The following ANKRD30BL variants were observed in gnomAD, a reference collection of about 807,000 sequenced individuals.
The protein encoded by ANKRD30BL is putative ankyrin repeat domain-containing protein 30B-like.
Under a neutral mutation model 18.4 loss-of-function variants are expected in ANKRD30BL, and 20 were observed. The observed-to-expected ratio is 1.09, with a 90% CI of 0.77 to 1.58. ANKRD30BL has a LOEUF of 1.58. Among genes scored for constraint, ANKRD30BL ranks in the 40% most tolerant of loss-of-function variants. ANKRD30BL has a pLI of 0.00. For synonymous variants in ANKRD30BL, 72 were observed against 100.9 expected (o/e 0.71, Z 1.72); for missense variants, 224 against 268.6 (o/e 0.83, Z 1.16).
At chr2:132,216,302 C>G (rs1348770295) in intron 1 of ANKRD30BL, among the ~76,000 whole-genome samples, 1 of 152,000 alleles carries the variant, frequency 6.6e-6, no homozygotes, top group East Asian at 1.9e-4. Context: ...TTTGTAGAAT[C>G]TGCAAGTTGA....
intron 1 of ANKRD30BL, among the ~76,000 whole-genome samples, chr2:132,253,552 G>C (rs1680726658): frequency 6.6e-6 from 1 of 152,182 alleles, no homozygotes; most frequent in African/African-American, 2.4e-5. Flanking sequence ...CACACGTGCA[G>C]CATGCACGAC....
chr2:132,230,116 G>A, intron 1 of ANKRD30BL, among the ~76,000 whole-genome samples: 1 of 151,886 alleles, frequency 6.6e-6, no homozygotes. Flanking sequence ...GAGGCCTGTG[G>A]TGGAAAAGGA....
upstream of ANKRD30BL, among the ~76,000 whole-genome samples, chr2:132,165,020 G>A (rs2104936834): frequency 6.6e-6 from 1 of 152,226 alleles, no homozygotes; most frequent in Non-Finnish European, 1.5e-5. Flanking sequence ...CTTGCAGTGA[G>A]CCGAGATCGT....
chr2:132,148,974 ATAGT>A (rs1558909081), intron 5 of ANKRD30BL, among the ~76,000 whole-genome samples: 3 of 151,834 alleles, frequency 2.0e-5, no homozygotes, highest in East Asian at 1.9e-4. Flanking sequence ...AATAGAAAAC[ATAGT>A]TAGGAAATTC....
intron 1 of ANKRD30BL, among the ~76,000 whole-genome samples, chr2:132,231,583 C>A (rs1001031639): frequency 2.0e-5 from 3 of 152,174 alleles, no homozygotes; most frequent in African/African-American, 7.2e-5. Context: ...GTGACAGATG[C>A]ACCTGGAAAA....
upstream of ANKRD30BL, among the ~76,000 whole-genome samples, chr2:132,164,556 G>T (rs1458192287): frequency 1.3e-5 from 2 of 151,752 alleles, no homozygotes; most frequent in Non-Finnish European, 2.9e-5. Context: ...CTCCCAAAGT[G>T]CTGGGATTAC....
chr2:132,212,926 C>A (rs2104759852), intron 1 of ANKRD30BL, among the ~76,000 whole-genome samples: 1 of 152,088 alleles, frequency 6.6e-6, no homozygotes, highest in South Asian at 2.1e-4. Flanking sequence ...TTTGTAGAAT[C>A]TGCAATTGGA....
At position 132,235,631 on chromosome 2, in the gene ANKRD30BL, G is replaced by A. The variant is rs564970470; in HGVS notation, n.441+21898C>T. ...AAATACCTAGGAATCCAACTTACAAGGGATGTGAAGGAACTCTTCAAGGAG... is the reference window on the plus strand; with the variant it reads ...AAATACCTAGGAATCCAACTTACAAAGGATGTGAAGGAACTCTTCAAGGAG... On this transcript the variant is annotated intron_variant and non_coding_transcript_variant, in intron 1 of 4. Transcript: ENST00000470729. Among the ~76,000 whole-genome samples, 241 of 152,178 alleles carry A rather than the reference G, an allele frequency of 1.6e-3. 1 individual carries two copies. The highest frequency in any genetic ancestry group is 5.5e-3 in the African/African-American group (227 of 41,524).
At chr2:132,229,790 T>C (rs1271371502) in intron 1 of ANKRD30BL, among the ~76,000 whole-genome samples, 1 of 152,068 alleles carries the variant, frequency 6.6e-6, no homozygotes, top group Non-Finnish European at 1.5e-5. Flanking sequence ...AAAGGAAATA[T>C]CTTCACATAA....
At chr2:132,194,615 T>C (rs7561011) in intron 1 of ANKRD30BL, among the ~76,000 whole-genome samples, 17,226 of 152,212 alleles carry the variant, frequency 0.11, 3,233 homozygotes, top group African/African-American at 0.39. Context: ...GCCTTCCTTC[T>C]CTCTTTCCCT....
chr2:132,187,258 A>G (rs1169085684), intron 1 of ANKRD30BL, among the ~76,000 whole-genome samples: 1 of 125,866 alleles, frequency 7.9e-6, no homozygotes, highest in East Asian at 2.5e-4. Context: ...GAGTGGCGTG[A>G]TCTCGGCTTG....
chr2:132,216,249 G>A (rs1191984959), intron 1 of ANKRD30BL, among the ~76,000 whole-genome samples: 1 of 151,850 alleles, frequency 6.6e-6, no homozygotes, highest in Non-Finnish European at 1.5e-5. Flanking sequence ...TCATCTCAGG[G>A]AATTGAAACT....
At chr2:132,256,616 C>G (rs1203831784) in intron 1 of ANKRD30BL, among the ~76,000 whole-genome samples, 2 of 152,282 alleles carry the variant, frequency 1.3e-5, no homozygotes, top group Middle Eastern at 3.4e-3. Flanking sequence ...GGCGGGCCTG[C>G]GGCTTCCCCA....
At chr2:132,188,372 A>G (rs1215381250) in intron 1 of ANKRD30BL, among the ~76,000 whole-genome samples, 1 of 152,214 alleles carries the variant, frequency 6.6e-6, no homozygotes, top group East Asian at 1.9e-4. Context: ...TTCTCCATCA[A>G]TTTTCATTAG....
chr2:132,184,608 C>G (rs1160663067), intron 1 of ANKRD30BL, among the ~76,000 whole-genome samples: 3 of 151,938 alleles, frequency 2.0e-5, no homozygotes, highest in African/African-American at 7.3e-5. Context: ...ATAAGTTATC[C>G]CCAAGCCTGG....
intron 1 of ANKRD30BL, among the ~76,000 whole-genome samples, chr2:132,206,831 C>A (rs972739559): frequency 2.0e-4 from 31 of 152,404 alleles, no homozygotes; most frequent in African/African-American, 7.5e-4. Context: ...CTGCATTTTT[C>A]TCTGAAGGAC....
chr2:132,256,466 T>A (rs1680841586), intron 1 of ANKRD30BL, among the ~76,000 whole-genome samples: 1 of 152,156 alleles, frequency 6.6e-6, no homozygotes, highest in Non-Finnish European at 1.5e-5. Flanking sequence ...CGGCGGCCAC[T>A]CATGCGCGGA....
At chr2:132,168,510 C>T (rs1688224783) in intron 1 of ANKRD30BL, among the ~76,000 whole-genome samples, 1 of 152,008 alleles carries the variant, frequency 6.6e-6, no homozygotes, top group South Asian at 2.1e-4. Flanking sequence ...CACAGAAAGA[C>T]AAATATACTG....
At chr2:132,254,949 C>T (rs997897871) in intron 1 of ANKRD30BL, among the ~76,000 whole-genome samples, 1 of 152,154 alleles carries the variant, frequency 6.6e-6, no homozygotes, top group Non-Finnish European at 1.5e-5. Context: ...TGAGTTTTCC[C>T]ATGTTGAGTC....
Sources: gnomAD v4.1 joint callset for allele counts (sites outside exome capture counted in the v4.1 genomes callset) on GRCh38, gnomAD v4.1.1 for gene constraint, MANE v1.5 for transcripts, NCBI Gene and HGNC (gene_info 2026-07-23, HGNC 2026-07-21) for gene names.